PTCHD4: variants seen among roughly 807,000 people sequenced by gnomAD.
PTCHD4 encodes patched domain-containing protein 4.
In PTCHD4, 33 loss-of-function variants were observed where a neutral mutation model predicts 58.1. The observed-to-expected ratio is 0.57, with a 90% CI of 0.43 to 0.76. PTCHD4 has a LOEUF of 0.76. PTCHD4 is among the 30% of genes least tolerant of loss of function. The probability of loss-of-function intolerance (pLI) is 0.00; values close to 1 mark genes in which losing one functional copy is unlikely to be tolerated. For missense variants in PTCHD4, 1,058 were observed against 1,027.1 expected, an observed-to-expected ratio of 1.03 and a Z score of -0.41; for synonymous variants, 478 against 409.6, an observed-to-expected ratio of 1.17 and a Z score of -2.02.
At chr6:47,973,325 C>G (rs1026864720) in intron 4 of PTCHD4, among the ~76,000 whole-genome samples, 3 of 152,152 alleles carry the variant, frequency 2.0e-5, no homozygotes, top group African/African-American at 7.2e-5. Flanking sequence ...TGAAAACATT[C>G]AAACAAGTAC....
At chr6:48,056,733 C>T (rs1386321903) in intron 3 of PTCHD4, among the ~76,000 whole-genome samples, 1 of 152,148 alleles carries the variant, frequency 6.6e-6, no homozygotes, top group African/African-American at 2.4e-5. Context: ...CCTTAGAATA[C>T]AGAATATGTT....
intron 3 of PTCHD4, among the ~76,000 whole-genome samples, chr6:48,017,192 C>T (rs934748150): frequency 1.3e-5 from 2 of 151,822 alleles, no homozygotes; most frequent in Non-Finnish European, 2.9e-5. Context: ...TATACATAAA[C>T]TAGGATTAAA....
rs1561939187 is a variant in PTCHD4, at chr6:47,885,271, G to GT, written c.899-5336_899-5335insA. Among the ~76,000 whole-genome samples, 404 of 151,840 alleles carry GT rather than the reference G, an allele frequency of 2.7e-3. 1 individual carries two copies. The highest frequency in any genetic ancestry group is 8.8e-3 in the African/African-American group (363 of 41,384). On this transcript the variant is annotated intron_variant, in intron 4 of 4. Coordinates refer to ENST00000339488, the MANE Select transcript of PTCHD4 (RefSeq NM_001384253.1). ...GGGAGATGAATAGAAATAATAAGGG[G>GT]GTGTGTGTGTGTATTGAGTACTCCA... is the stretch of plus-strand genomic sequence containing the variant.
intron 3 of PTCHD4, among the ~76,000 whole-genome samples, chr6:48,041,339 CT>C (rs1209741313): frequency 6.6e-6 from 1 of 152,050 alleles, no homozygotes; most frequent in Non-Finnish European, 1.5e-5. Context: ...AATAACCCAA[CT>C]TCAAACACTC....
intron 4 of PTCHD4, among the ~76,000 whole-genome samples, chr6:47,957,799 T>C (rs547592771): frequency 6.6e-6 from 1 of 151,516 alleles, no homozygotes; most frequent in Admixed American, 6.6e-5. Flanking sequence ...AGAAAAAGGG[T>C]TTCATCGTGT....
chr6:47,956,981 T>C (rs894345648), intron 4 of PTCHD4, among the ~76,000 whole-genome samples: 2 of 151,724 alleles, frequency 1.3e-5, no homozygotes, highest in Non-Finnish European at 2.9e-5. Flanking sequence ...CTGGCCAACA[T>C]GGTGAAACCC....
At chr6:48,107,593 G>A (rs1469106271) in intron 1 of PTCHD4, among the ~76,000 whole-genome samples, 1 of 151,966 alleles carries the variant, frequency 6.6e-6, no homozygotes, top group Non-Finnish European at 1.5e-5. Flanking sequence ...AGCCAAAATT[G>A]ACAAATGGGA....
At chr6:48,046,642 C>G (rs183054426) in intron 3 of PTCHD4, among the ~76,000 whole-genome samples, 1 of 151,846 alleles carries the variant, frequency 6.6e-6, no homozygotes, top group African/African-American at 2.4e-5. Context: ...TTTGGAACAG[C>G]TTTCTCAATT....
At chr6:48,094,961 G>C (rs1211831893) in intron 1 of PTCHD4, among the ~76,000 whole-genome samples, 1 of 152,118 alleles carries the variant, frequency 6.6e-6, no homozygotes, top group Non-Finnish European at 1.5e-5. Flanking sequence ...CAAAATAATA[G>C]GTAGAGAGAG....
At chr6:47,898,792 A>G (rs933874152) in intron 4 of PTCHD4, among the ~76,000 whole-genome samples, 4 of 152,200 alleles carry the variant, frequency 2.6e-5, no homozygotes, top group African/African-American at 9.6e-5. Context: ...GAGAAAATGA[A>G]AAGGTGTAAG....
At chr6:48,094,231 G>A (rs956932438) in intron 1 of PTCHD4, among the ~76,000 whole-genome samples, 3 of 152,142 alleles carry the variant, frequency 2.0e-5, no homozygotes, top group African/African-American at 7.2e-5. Flanking sequence ...GCACAAAAAA[G>A]AAAGTTACAG....
chr6:47,949,924 C>A (rs896967323), intron 4 of PTCHD4, among the ~76,000 whole-genome samples: 3 of 151,272 alleles, frequency 2.0e-5, no homozygotes, highest in African/African-American at 7.3e-5. Context: ...TATATGTGCA[C>A]AGTGTGAAGG....
At chr6:47,948,970 G>A (rs1205168515) in intron 4 of PTCHD4, among the ~76,000 whole-genome samples, 1 of 152,160 alleles carries the variant, frequency 6.6e-6, no homozygotes, top group African/African-American at 2.4e-5. Context: ...ATAGTAAACT[G>A]TCAAAGCAAG....
At chr6:47,882,402 C>T (rs1764043337) in intron 4 of PTCHD4, among the ~76,000 whole-genome samples, 1 of 151,990 alleles carries the variant, frequency 6.6e-6, no homozygotes, top group African/African-American at 2.4e-5. Context: ...ACTGAAAATA[C>T]AATTTCCAAA....
chr6:47,899,564 T>C (rs868529329), intron 4 of PTCHD4: 8 of 983,012 alleles, frequency 8.1e-6, no homozygotes, highest in Middle Eastern at 1.0e-3. Context: ...CTAATAAGGT[T>C]TGCAAATGAA....
chr6:47,867,282 C>A lies in PTCHD4; in HGVS notation c.*11021G>T, dbSNP rs1763591697. Among the ~76,000 whole-genome samples the A allele has an allele frequency of 6.6e-6, 1 of 151,736 alleles. No individual in the cohort carries two copies. The highest frequency in any genetic ancestry group is 1.5e-5 in the Non-Finnish European group (1 of 67,828). ...CAGAACGTGGACGGTGTTCCATCAT[C>A]AGGAGAATCAAACTCATGCTCTAAA... On this transcript the variant is annotated 3_prime_UTR_variant, in exon 5 of 5. Transcript: ENST00000339488.
Position 47,866,773 on chromosome 6 carries a change from G to A in PTCHD4, c.*11530C>T, listed in dbSNP as rs978930048. 6.6e-6 allele frequency among the ~76,000 whole-genome samples: 1 copy of A among 151,746 alleles called. No individual in the cohort carries two copies. Among genetic ancestry groups the A allele is most frequent in the African/African-American group, 2.4e-5 (1 of 41,344 alleles). ...CAAGGGTAATGTATAAATCAGTTAGGTTTATGCTTAAAAACTAAGTGCATA... is the reference window on the plus strand; with the variant it reads ...CAAGGGTAATGTATAAATCAGTTAGATTTATGCTTAAAAACTAAGTGCATA... On this transcript the variant is annotated 3_prime_UTR_variant, in exon 5 of 5. Transcript: ENST00000339488.
At chr6:47,911,521 G>A (rs115553913) in intron 4 of PTCHD4, among the ~76,000 whole-genome samples, 2 of 152,200 alleles carry the variant, frequency 1.3e-5, no homozygotes, top group African/African-American at 4.8e-5. Flanking sequence ...ATAGGACCTT[G>A]TGTAACACAG....
chr6:47,873,313 A>G lies in PTCHD4; in HGVS notation c.*4990T>C, dbSNP rs989935360. On this transcript the variant is annotated 3_prime_UTR_variant, in exon 5 of 5. Transcript: ENST00000339488. ...TATGTGGTATTATTCCACTTGTTCT[A>G]TCACACCTACTTACAGACATCTTGA... Among the ~76,000 whole-genome samples the G allele has an allele frequency of 6.6e-6, 1 of 151,746 alleles. No individual in the cohort carries two copies. The highest frequency in any genetic ancestry group is 1.5e-5 in the Non-Finnish European group (1 of 67,790).
Sources: gnomAD v4.1 joint callset for allele counts (sites outside exome capture counted in the v4.1 genomes callset) on GRCh38, gnomAD v4.1.1 for gene constraint, MANE v1.5 for transcripts, NCBI Gene and HGNC (gene_info 2026-07-23, HGNC 2026-07-21) for gene names.